The following DMD variants were observed in gnomAD, a reference collection of about 807,000 sequenced individuals.
DMD encodes mutant dystrophin.
DMD carries 63 observed loss-of-function variants against 330.1 expected under a neutral mutation model. The observed-to-expected ratio is 0.19, with a 90% CI of 0.16 to 0.24. The LOEUF is 0.24. Ranked by LOEUF, DMD falls within the 10% of genes least tolerant of loss-of-function variation. The pLI, the probability that DMD is intolerant of heterozygous loss-of-function variation, is 1.00. For missense variants in DMD, 3,344 were observed against 2,684.1 expected, an observed-to-expected ratio of 1.25 and a Z score of -5.43; for synonymous variants, 1,223 against 959.8, an observed-to-expected ratio of 1.27 and a Z score of -5.07.
intron 47 of DMD, among the ~76,000 whole-genome samples, chrX:31,915,772 T>G (rs1300226316): frequency 8.9e-6 from 1 of 112,012 alleles, no homozygotes; most frequent in Admixed American, 9.5e-5. Context: ...GAATCAGGAT[T>G]AGTTGATTAG....
At chrX:33,064,407 CTT>C (rs780235017) in intron 1 of DMD, among the ~76,000 whole-genome samples, 24 of 111,346 alleles carry the variant, frequency 2.2e-4, no homozygotes, top group Non-Finnish European at 3.6e-4. Flanking sequence ...ATCTCACTCT[CTT>C]TTGTTTCATC....
chrX:31,807,751 G>A (rs769495761), intron 50 of DMD, among the ~76,000 whole-genome samples: 5 of 111,466 alleles, frequency 4.5e-5, no homozygotes, highest in Admixed American at 1.9e-4. Context: ...AATTTCATTT[G>A]GAAAATATGT....
intron 27 of DMD, among the ~76,000 whole-genome samples, chrX:32,446,989 T>G (rs757930570): frequency 9.1e-6 from 1 of 110,372 alleles, no homozygotes; most frequent in Non-Finnish European, 1.9e-5. Flanking sequence ...ATACGAAAAC[T>G]TAAGAAAATC....
chrX:32,514,313 T>A (rs1017739327), intron 18 of DMD, among the ~76,000 whole-genome samples: 1 of 110,654 alleles, frequency 9.0e-6, no homozygotes, highest in African/African-American at 3.3e-5. Context: ...AAGTAGGAGA[T>A]GAAATCATTT....
intron 63 of DMD, among the ~76,000 whole-genome samples, chrX:31,233,908 T>G (rs1365113652): frequency 8.9e-6 from 1 of 111,974 alleles, no homozygotes; most frequent in African/African-American, 3.2e-5. Context: ...GTGTGTTTGA[T>G]TCGTTGGTCA....
intron 64 of DMD, among the ~76,000 whole-genome samples, chrX:31,221,893 T>G: frequency 9.1e-6 from 1 of 110,142 alleles, no homozygotes; most frequent in Middle Eastern, 4.7e-3. Context: ...CCGTCTCTAT[T>G]AAAAAATACA....
Position 32,362,891 on chromosome X carries a change from A to G in DMD, c.5222T>C (p.Leu1741Ser). The G allele has an allele frequency of 8.3e-7, 1 of 1,211,288 alleles. No homozygotes were observed. Among genetic ancestry groups the G allele is most frequent in the Non-Finnish European group, 1.1e-6 (1 of 895,298 alleles). The part of the protein sequence containing the change: ...VDSTRDQAAN[L>S]MANRGDHCRK... The stretch of plus-strand genomic sequence containing the variant: ...GCAGTGGTCACCGCGGTTTGCCATC[A>G]AGTTTGCTGCTTGGTCACGTGTAGA... Residue 1741 changes from leucine to serine, a missense_variant, in exon 37 of 79, where the codon TTG (leucine) becomes TCG (serine). Coordinates refer to ENST00000357033, the MANE Select transcript of DMD (RefSeq NM_004006.3).
At chrX:33,024,566 C>A (rs2093965000) in intron 1 of DMD, among the ~76,000 whole-genome samples, 1 of 111,855 alleles carries the variant, frequency 8.9e-6, no homozygotes, top group Non-Finnish European at 1.9e-5. Context: ...ATCTTTAACC[C>A]CTTCTAATAA....
At chrX:32,545,895 A>C (rs1399327291) in intron 16 of DMD, among the ~76,000 whole-genome samples, 2 of 110,588 alleles carry the variant, frequency 1.8e-5, no homozygotes, top group Non-Finnish European at 3.8e-5. Context: ...GGTTAACATA[A>C]AGTATGTATT....
At chrX:32,609,181 G>C (rs935236102) in intron 12 of DMD, among the ~76,000 whole-genome samples, 2 of 110,494 alleles carry the variant, frequency 1.8e-5, no homozygotes, top group Non-Finnish European at 3.8e-5. Context: ...TACAATTTTT[G>C]TTGTCATTGC....
rs766582625 is a variant in DMD at position 32,454,727 on chromosome X, A to T, written c.3538T>A (p.Tyr1180Asn). ...TTATATTCAAAATCTCTCTCAAGATACTCTTCTTCAGCTTGTGTCATCCAT... is the reference window on the plus strand; with the variant it reads ...TTATATTCAAAATCTCTCTCAAGATTCTCTTCTTCAGCTTGTGTCATCCAT... ...HEWMTQAEEEYLERDFEYKTP... is the reference protein window; with the variant it reads ...HEWMTQAEEENLERDFEYKTP... Residue 1180 changes from tyrosine to asparagine, a missense_variant, in exon 26 of 79, where the codon TAT (tyrosine) becomes AAT (asparagine). By Grantham distance (143) the Tyr-to-Asn change is moderately radical. Transcript: ENST00000357033. The T allele has an allele frequency of 1.7e-6, 2 of 1,202,841 alleles. No homozygotes were observed. Among genetic ancestry groups the T allele is most frequent in the African/African-American group, 3.5e-5 (2 of 56,463 alleles).
At chrX:32,405,716 G>C (rs2098113479) in intron 30 of DMD, among the ~76,000 whole-genome samples, 1 of 111,283 alleles carries the variant, frequency 9.0e-6, no homozygotes, top group Non-Finnish European at 1.9e-5. Context: ...TTTGGCTTAG[G>C]ATTGACTTGG....
At chrX:31,949,656 T>C (rs1205372671) in intron 45 of DMD, among the ~76,000 whole-genome samples, 1 of 111,308 alleles carries the variant, frequency 9.0e-6, no homozygotes, top group Non-Finnish European at 1.9e-5. Flanking sequence ...CTGGGTTTTT[T>C]TGTTGGAAAA....
chrX:31,975,299 T>C (rs1603618736), intron 44 of DMD, among the ~76,000 whole-genome samples: 3 of 111,892 alleles, frequency 2.7e-5, no homozygotes, highest in African/African-American at 9.7e-5. Flanking sequence ...TAAAGAAAAC[T>C]GTTGTTACAA....
intron 29 of DMD, among the ~76,000 whole-genome samples, chrX:32,430,022 T>G (rs57582722): frequency 0.18 from 19,555 of 110,700 alleles, 1,535 homozygotes; most frequent in African/African-American, 0.3. Flanking sequence ...TTTCACTTTT[T>G]TTTCACTCTG....
chrX:31,794,862 C>T (rs1343499310), intron 50 of DMD, among the ~76,000 whole-genome samples: 3 of 111,118 alleles, frequency 2.7e-5, no homozygotes, highest in African/African-American at 9.8e-5. Context: ...GGATCAGAAA[C>T]GAAATTTAGG....
chrX:32,479,781 C>G (rs981252304), intron 21 of DMD, among the ~76,000 whole-genome samples: 1 of 109,401 alleles, frequency 9.1e-6, no homozygotes, highest in Non-Finnish European at 1.9e-5. Context: ...GCATATATCA[C>G]TATATATATC....
chrX:31,247,600 CAAAAAAAA>C (rs61281481), intron 63 of DMD, among the ~76,000 whole-genome samples: 1 of 74,306 alleles, frequency 1.3e-5, no homozygotes, highest in African/African-American at 5.0e-5. Context: ...GACTGTGTCT[CAAAAAAAA>C]AAAAAAAAAA....
At chrX:31,680,973 G>A (rs17338653) in intron 52 of DMD, among the ~76,000 whole-genome samples, 18,196 of 110,063 alleles carry the variant, frequency 0.17, 1,212 homozygotes, top group East Asian at 0.35. Context: ...TTTCCTAAGC[G>A]TCACCCAACA....
Sources: gnomAD v4.1 joint callset for allele counts (sites outside exome capture counted in the v4.1 genomes callset) on GRCh38, gnomAD v4.1.1 for gene constraint, MANE v1.5 for transcripts, NCBI Gene and HGNC (gene_info 2026-07-23, HGNC 2026-07-21) for gene names.